Variants in KCNQ5 observed in about 807,000 individuals in gnomAD.
KCNQ5 encodes potassium voltage-gated channel subfamily KQT member 5.
KCNQ5 carries 30 observed loss-of-function variants against 98.2 expected under a neutral mutation model. The ratio of observed to expected loss-of-function variants is 0.31; its 90% CI spans 0.23 to 0.41. The LOEUF (loss-of-function observed/expected upper bound fraction) is 0.41, where lower values mean the gene tolerates loss of function less well. KCNQ5 is among the 10% of genes least tolerant of loss of function. KCNQ5 has a pLI of 1.00. For missense variants in KCNQ5, 835 were observed against 1,182.5 expected (o/e 0.71, Z 4.31); for synonymous variants, 458 against 449.4 (o/e 1.02, Z -0.24).
chr6:72,956,033 C>G (rs1383459638), intron 1 of KCNQ5, among the ~76,000 whole-genome samples: 3 of 152,172 alleles, frequency 2.0e-5, no homozygotes, highest in Non-Finnish European at 4.4e-5. Flanking sequence ...CACTGTTTAA[C>G]AGAAACTTTT....
chr6:72,936,148 C>G (rs181457012), intron 1 of KCNQ5, among the ~76,000 whole-genome samples: 1 of 152,338 alleles, frequency 6.6e-6, no homozygotes, highest in Admixed American at 6.5e-5. Flanking sequence ...AAACTTGGCA[C>G]AGCCAAAACA....
chr6:72,670,204 G>C (rs1185013234), intron 1 of KCNQ5, among the ~76,000 whole-genome samples: 1 of 152,062 alleles, frequency 6.6e-6, no homozygotes, highest in Non-Finnish European at 1.5e-5. Context: ...ATTTCCATCT[G>C]GGCCCTCATC....
intron 1 of KCNQ5, among the ~76,000 whole-genome samples, chr6:72,802,835 G>A (rs1774732950): frequency 6.6e-6 from 1 of 152,080 alleles, no homozygotes; most frequent in Non-Finnish European, 1.5e-5. Flanking sequence ...GGTCTTACTA[G>A]AGCTCAGCCT....
chr6:73,013,667 T>C (rs756502309), intron 2 of KCNQ5, among the ~76,000 whole-genome samples: 2 of 152,126 alleles, frequency 1.3e-5, no homozygotes, highest in African/African-American at 2.4e-5. Context: ...ATAGCCAAGA[T>C]TCCAGCTTAG....
chr6:72,966,845 T>G (rs1767643516), intron 1 of KCNQ5, among the ~76,000 whole-genome samples: 1 of 152,218 alleles, frequency 6.6e-6, no homozygotes, highest in Admixed American at 6.5e-5. Context: ...CTGGCACATA[T>G]GGTTGCCAGG....
chr6:73,169,389 T>C (rs944358841), intron 10 of KCNQ5, among the ~76,000 whole-genome samples: 1 of 152,214 alleles, frequency 6.6e-6, no homozygotes, highest in Admixed American at 6.5e-5. Flanking sequence ...GTCCAAAAAC[T>C]ATTTCTGTAA....
At chr6:73,189,561 G>A (rs1296011692) in intron 11 of KCNQ5, among the ~76,000 whole-genome samples, 1 of 152,114 alleles carries the variant, frequency 6.6e-6, no homozygotes. Flanking sequence ...CTTAGTGACT[G>A]ATTCCCAGCC....
intron 1 of KCNQ5, among the ~76,000 whole-genome samples, chr6:72,858,207 T>A (rs1160947290): frequency 6.6e-6 from 1 of 152,126 alleles, no homozygotes; most frequent in Admixed American, 6.5e-5. Flanking sequence ...TTTGAAAAAA[T>A]TCATTTATAA....
intron 1 of KCNQ5, among the ~76,000 whole-genome samples, chr6:72,760,374 G>A (rs78141584): frequency 0.014 from 2,178 of 152,152 alleles, 45 homozygotes; most frequent in African/African-American, 0.05. Flanking sequence ...TGGAAAAGGA[G>A]AGCCAGTGGC....
chr6:72,805,793 C>A (rs961016417), intron 1 of KCNQ5, among the ~76,000 whole-genome samples: 1 of 152,086 alleles, frequency 6.6e-6, no homozygotes, highest in South Asian at 2.1e-4. Flanking sequence ...GATTCCCCAC[C>A]TATGGACATG....
At chr6:72,810,759 T>C (rs950124804) in intron 1 of KCNQ5, among the ~76,000 whole-genome samples, 2 of 151,918 alleles carry the variant, frequency 1.3e-5, no homozygotes, top group African/African-American at 4.9e-5. Flanking sequence ...TAGTCATTAC[T>C]TTGGGGTTAA....
chr6:72,773,936 T>C (rs936237744), intron 1 of KCNQ5, among the ~76,000 whole-genome samples: 3 of 152,116 alleles, frequency 2.0e-5, no homozygotes, highest in African/African-American at 7.2e-5. Context: ...TGGAACAGAA[T>C]AGAGATTCCA....
At chr6:73,127,888 A>T (rs1237061673) in intron 9 of KCNQ5, among the ~76,000 whole-genome samples, 2 of 152,134 alleles carry the variant, frequency 1.3e-5, no homozygotes, top group African/African-American at 4.8e-5. Flanking sequence ...CATATTGTGA[A>T]ACCCCCTCTA....
intron 9 of KCNQ5, among the ~76,000 whole-genome samples, chr6:73,128,877 G>C (rs188595877): frequency 6.6e-6 from 1 of 152,132 alleles, no homozygotes; most frequent in Non-Finnish European, 1.5e-5. Flanking sequence ...GTGAGCCACC[G>C]AGTGCTTTTT....
chr6:72,680,520 G>C (rs771751514), intron 1 of KCNQ5, among the ~76,000 whole-genome samples: 7 of 152,158 alleles, frequency 4.6e-5, no homozygotes, highest in Non-Finnish European at 1.0e-4. Context: ...TCCAACTGGA[G>C]AATGATAACA....
chr6:72,655,022 GTCTGTCTTTCTT>G (rs1214894557), intron 1 of KCNQ5, among the ~76,000 whole-genome samples: 6,815 of 118,982 alleles, frequency 0.057, 538 homozygotes, highest in African/African-American at 0.16. Context: ...GCCAAGGTCT[GTCTGTCTTTCTT>G]TCTTTCTTTC....
At chr6:73,122,068 A>G (rs540442319) in intron 8 of KCNQ5, among the ~76,000 whole-genome samples, 3 of 152,340 alleles carry the variant, frequency 2.0e-5, no homozygotes, top group Admixed American at 6.5e-5. Flanking sequence ...TGAACTTTTT[A>G]TGGAGTTTAA....
At position 72,673,040 on chromosome 6, in the gene KCNQ5, A is replaced by C. The variant is rs115850689; in HGVS notation, c.398+50453A>C. On this transcript the variant is annotated intron_variant, in intron 1 of 13. Transcript: ENST00000370398. The stretch of plus-strand genomic sequence containing the variant: ...ATGAGTTATTTAGGCTAACTAAACC[A>C]AATAACTTTCCAGTAGTGAGGTTAC... Among the ~76,000 whole-genome samples the C allele has an allele frequency of 1.1e-3, 172 of 152,340 alleles. 1 individual carries two copies. The highest frequency in any genetic ancestry group is 3.8e-3 in the African/African-American group (156 of 41,568).
At position 73,195,139 on chromosome 6, in the gene KCNQ5, C is replaced by A; in HGVS notation, c.2524C>A (p.Leu842Met). 1 of 1,614,212 alleles carries A rather than the reference C, an allele frequency of 6.2e-7. No individual in the cohort carries two copies. The highest frequency in any genetic ancestry group is 8.5e-7 in the Non-Finnish European group (1 of 1,180,042). The change falls in exon 14 of 14, where the codon CTG (leucine) becomes ATG (methionine). Residue 842 changes from leucine (L) to methionine (M), a missense_variant. Leu to Met is a conservative substitution (Grantham distance 15). Coordinates refer to ENST00000370398, the MANE Select transcript of KCNQ5 (RefSeq NM_019842.4). ...VQNLIRSTEE[L>M]NIQLSGSESS... is the part of the protein sequence containing the mutation. ...AAACCTGATCAGGTCGACCGAGGAACTGAATATACAACTTTCAGGGAGTGA... is the reference window on the plus strand; with the variant it reads ...AAACCTGATCAGGTCGACCGAGGAAATGAATATACAACTTTCAGGGAGTGA...
Sources: allele counts gnomAD v4.1 joint callset (sites outside exome capture counted in the v4.1 genomes callset), GRCh38; gene constraint gnomAD v4.1.1; transcripts MANE v1.5; gene names NCBI Gene and HGNC (gene_info 2026-07-23, HGNC 2026-07-21).